ZZEF1: variants seen among roughly 807,000 people sequenced by gnomAD.
ZZEF1 encodes the protein zinc finger ZZ-type and EF-hand domain containing 1.
A neutral mutation model predicts 342.8 loss-of-function variants in ZZEF1; 157 were observed. That is an observed-to-expected ratio of 0.46 (90% CI 0.40 to 0.52). The LOEUF (loss-of-function observed/expected upper bound fraction) is 0.52, where lower values mean the gene tolerates loss of function less well. ZZEF1 is among the 20% of genes least tolerant of loss of function. The pLI, the probability that ZZEF1 is intolerant of heterozygous loss-of-function variation, is 0.00. For synonymous variants in ZZEF1, 1,505 were observed against 1,429.1 expected (o/e 1.05, Z -1.20); for missense variants, 3,480 against 3,725.6 (o/e 0.93, Z 1.72).
At chr17:4,034,716 G>A (rs1225985802) in intron 39 of ZZEF1, among the ~76,000 whole-genome samples, 1 of 152,154 alleles carries the variant, frequency 6.6e-6, no homozygotes, top group Non-Finnish European at 1.5e-5. Flanking sequence ...TGTAAAATAG[G>A]CCAGGCATAG....
intron 26 of ZZEF1, among the ~76,000 whole-genome samples, chr17:4,070,364 T>C (rs1016477746): frequency 6.6e-6 from 1 of 152,226 alleles, no homozygotes; most frequent in East Asian, 1.9e-4. Flanking sequence ...TGCACAACTT[T>C]TGAGTTTTTG....
At chr17:4,110,474 C>T (rs780413535) in intron 5 of ZZEF1, among the ~76,000 whole-genome samples, 1 of 152,290 alleles carries the variant, frequency 6.6e-6, no homozygotes, top group Non-Finnish European at 1.5e-5. Context: ...CACAAAGACT[C>T]TACCTCCCTA....
intron 42 of ZZEF1, 22 bp downstream of exon 42, chr17:4,032,104 A>C: frequency 1.9e-6 from 3 of 1,601,504 alleles, no homozygotes; most frequent in Non-Finnish European, 2.6e-6. Context: ...CATTCTTAGA[A>C]AAAAATAATT....
chr17:4,034,027 A>C lies in ZZEF1; in HGVS notation c.6572T>G (p.Val2191Gly). The C allele has an allele frequency of 6.2e-7, 1 of 1,614,064 alleles. No individual in the cohort carries two copies. Among genetic ancestry groups the C allele is most frequent in the Non-Finnish European group, 8.5e-7 (1 of 1,180,002 alleles). Residue 2191 changes from valine (V) to glycine (G), a missense_variant, in exon 40 of 55, where the codon GTG becomes GGG. Val to Gly is a moderately radical substitution (Grantham distance 109). Around this residue, in one of 5 missense-constraint regions of ZZEF1, gnomAD observed 1,269 missense variants for 1,342.4 expected, o/e 0.95. Transcript: ENST00000381638. ...TTHLLFSLGA[V>G]CLDSRVGLDW... is the part of the protein sequence containing the mutation. ...GGACCAAGGCTACCTGTCCAGACAC[A>C]CAGCTCCCAGGCTAAAGAGCAGGTG...
intron 1 of ZZEF1, among the ~76,000 whole-genome samples, chr17:4,140,869 T>TG (rs11430674): frequency 0.16 from 23,466 of 150,294 alleles, 2,005 homozygotes; most frequent in African/African-American, 0.23. Context: ...TGTGTATTCC[T>TG]GGGGGGAAAA....
intron 37 of ZZEF1, 99 bp downstream of exon 37, chr17:4,049,608 AG>A: frequency 7.1e-7 from 1 of 1,412,550 alleles, no homozygotes; most frequent in South Asian, 1.3e-5. Flanking sequence ...AGTCTGGGTT[AG>A]GAGTCTGTGC....
chr17:4,007,772 C>G (rs2055840348), intron 54 of ZZEF1, among the ~76,000 whole-genome samples: 1 of 152,130 alleles, frequency 6.6e-6, no homozygotes, highest in Admixed American at 6.5e-5. Context: ...ATTTCCACTT[C>G]CGAGCGTACA....
chr17:4,100,571 C>T (rs758376392), intron 9 of ZZEF1, among the ~76,000 whole-genome samples: 4 of 152,162 alleles, frequency 2.6e-5, no homozygotes, highest in Non-Finnish European at 4.4e-5. Context: ...GAGAAATGCC[C>T]GTGAACAATG....
intron 38 of ZZEF1, 28 bp downstream of exon 38, chr17:4,044,196 A>G: frequency 6.2e-7 from 1 of 1,610,844 alleles, no homozygotes; most frequent in Non-Finnish European, 8.5e-7. Flanking sequence ...GATGAAAGAG[A>G]TGAAGATAAT....
rs1177302825 is a variant in ZZEF1, at chr17:4,017,340, G to A, written c.8001+31C>T. On this transcript the variant is annotated intron_variant, in intron 48 of 54. Transcript: ENST00000381638. This position sits in a 1 kb window ranked among gnomAD's most constrained non-coding sequence, Gnocchi z 5.1. ...CTGTGGGGCAGAGGAAGAACCTGGT[G>A]GGTGAGCACAAGCTCAGTCTGCATA... is the stretch of plus-strand genomic sequence containing the variant. 1.3e-6 allele frequency: 2 copies of A among 1,553,072 alleles called. No homozygotes were observed. Among genetic ancestry groups the A allele is most frequent in the Non-Finnish European group, 1.7e-6 (2 of 1,147,888 alleles).
chr17:4,010,367 A>T (rs536942177), intron 52 of ZZEF1, among the ~76,000 whole-genome samples: 8 of 146,254 alleles, frequency 5.5e-5, no homozygotes, highest in Non-Finnish European at 9.0e-5. Flanking sequence ...AAAAAAAAAA[A>T]GTTATGAAGA....
At position 4,054,123 on chromosome 17, in the gene ZZEF1, C is replaced by T. The variant is rs1195305354; in HGVS notation, c.5368G>A (p.Ala1790Thr). 2 of 1,613,578 alleles carry T rather than the reference C, an allele frequency of 1.2e-6. No individual in the cohort carries two copies. The highest frequency in any genetic ancestry group is 1.7e-5 in the Admixed American group (1 of 59,964). Residue 1790 changes from alanine (A) to threonine (T), a missense_variant, in exon 34 of 55, where the codon GCC (alanine) becomes ACC (threonine). Around this residue, in one of 5 missense-constraint regions of ZZEF1, gnomAD observed 175 missense variants for 254.6 expected, o/e 0.69. Coordinates refer to ENST00000381638, the MANE Select transcript of ZZEF1 (RefSeq NM_015113.4). ...AGACAGCGGTATCGATGCCAGGGGG[C>T]AATCTCATCACACCCATCACAAGAG... ...DISCDGCDEI[A>T]PWHRYRCLQC...
chr17:4,050,525 A>T (rs915976076), intron 36 of ZZEF1, among the ~76,000 whole-genome samples: 5 of 152,242 alleles, frequency 3.3e-5, no homozygotes, highest in Non-Finnish European at 5.9e-5. Context: ...AGATATAAAG[A>T]GTTTTAATTA....
At chr17:4,105,640 C>A in intron 7 of ZZEF1, 53 bp downstream of exon 7, 1 of 1,271,518 alleles carries the variant, frequency 7.9e-7, no homozygotes. Context: ...ACTTAACAAG[C>A]ATACGTGCAC....
chr17:4,077,087 A>T, intron 19 of ZZEF1, 98 bp from the exon 20 acceptor site: 1 of 1,231,766 alleles, frequency 8.1e-7, no homozygotes, highest in African/African-American at 1.5e-5. Flanking sequence ...CAGAAGCTGC[A>T]GAGGGGGTTC....
At chr17:4,111,668 AT>A (rs1029570412) in intron 5 of ZZEF1, among the ~76,000 whole-genome samples, 5 of 149,620 alleles carry the variant, frequency 3.3e-5, no homozygotes, top group Admixed American at 6.7e-5. Context: ...CAAAAAAAAA[AT>A]ATATAGAAAA....
At chr17:4,087,627 G>A in intron 13 of ZZEF1, 93 bp from the exon 14 acceptor site, 1 of 1,126,538 alleles carries the variant, frequency 8.9e-7, no homozygotes, top group Non-Finnish European at 1.3e-6. Context: ...GTAAAGGGAT[G>A]AGGTGGCTCT....
At chr17:4,080,029 T>C (rs1436933861) in intron 18 of ZZEF1, among the ~76,000 whole-genome samples, 4 of 152,188 alleles carry the variant, frequency 2.6e-5, no homozygotes, top group Non-Finnish European at 4.4e-5. Context: ...TAGTTCTTGG[T>C]TTCCTAGTAC....
Position 4,116,176 on chromosome 17 carries a change from G to A in ZZEF1, c.694+796C>T, listed in dbSNP as rs138176475. Among the ~76,000 whole-genome samples the A allele has an allele frequency of 7.2e-3, 1,095 of 152,132 alleles. 15 individuals carry two copies. Among genetic ancestry groups the A allele is most frequent in the African/African-American group, 0.025 (1,047 of 41,502 alleles). On this transcript the variant is annotated intron_variant, in intron 3 of 54. Coordinates refer to ENST00000381638, the MANE Select transcript of ZZEF1 (RefSeq NM_015113.4). ...TCTACTAAAAATACAGAAATTAGCCGGGCGTGGTGGCACATGCCTGTAATC... is the reference window on the plus strand; with the variant it reads ...TCTACTAAAAATACAGAAATTAGCCAGGCGTGGTGGCACATGCCTGTAATC...
Sources: gnomAD v4.1 joint callset for allele counts (sites outside exome capture counted in the v4.1 genomes callset) on GRCh38, gnomAD v4.1.1 for gene constraint, gnomAD v4.1.1 regional missense constraint, Gnocchi (gnomAD v3.1) non-coding constraint, MANE v1.5 for transcripts, NCBI Gene and HGNC (gene_info 2026-07-23, HGNC 2026-07-21) for gene names.